The following SLC44A4 variants were observed in gnomAD, a reference collection of about 807,000 sequenced individuals.
SLC44A4 encodes solute carrier family 44 member 4.
In SLC44A4, 74 loss-of-function variants were observed where a neutral mutation model predicts 97.0. That is an observed-to-expected ratio of 0.76 (90% CI 0.63 to 0.93). The LOEUF is 0.93. Among genes scored for constraint, SLC44A4 ranks in the 40% least tolerant of loss-of-function variants. The pLI is 0.00. For missense variants in SLC44A4, 799 were observed against 902.9 expected (o/e 0.88, Z 1.48); for synonymous variants, 325 against 363.8 (o/e 0.89, Z 1.21).
At chr6:31,868,795 CAAAACAAA>C (rs1762991416) in intron 13 of SLC44A4, among the ~76,000 whole-genome samples, 1 of 87,500 alleles carries the variant, frequency 1.1e-5, no homozygotes, top group Non-Finnish European at 2.2e-5. Flanking sequence ...GACCCTGTCT[CAAAACAAA>C]CAAACAAACA....
In SLC44A4 at chr6:31,878,467, G is replaced by A. The variant is rs1052120564; in HGVS notation, c.40+474C>T. Among the ~76,000 whole-genome samples, 4 of 152,078 alleles carry A rather than the reference G, an allele frequency of 2.6e-5. No homozygotes were observed. Among genetic ancestry groups the A allele is most frequent in the African/African-American group, 9.7e-5 (4 of 41,398 alleles). On this transcript the variant is annotated intron_variant, in intron 1 of 20. Coordinates refer to ENST00000229729, the MANE Select transcript of SLC44A4 (RefSeq NM_025257.3). The surrounding 1 kb of genome is among the most constrained non-coding windows in gnomAD (Gnocchi z 4.0). ...CAAGGGAGCCGGCAGACCACAAGCAGCTTTCGCCCTCAGAGACCCAGACTC... is the reference window on the plus strand; with the variant it reads ...CAAGGGAGCCGGCAGACCACAAGCAACTTTCGCCCTCAGAGACCCAGACTC...
intron 11 of SLC44A4, 131 bp from the exon 12 acceptor site, chr6:31,869,768 G>A (rs1763055297): frequency 1.5e-5 from 10 of 662,218 alleles, no homozygotes; most frequent in South Asian, 5.3e-5. Context: ...GGCGGATCAC[G>A]AGGTCAGGAG....
Position 31,874,929 on chromosome 6 carries a change from C to A in SLC44A4, c.342G>T (p.Gln114His). ...GTAGAGGCAGGTCCCAGGCTCTGACCTGGGGTGTGGGGCACTGTAGGCCGT... is the reference window on the plus strand; with the variant it reads ...GTAGAGGCAGGTCCCAGGCTCTGACATGGGGTGTGGGGCACTGTAGGCCGT... ...AENGLQCPTP[Q>H]VCVSSCPEDP... The change falls in exon 5 of 21, where the codon CAG becomes CAT. Residue 114 changes from glutamine to histidine, a missense_variant and splice_region_variant. Gln to His is a conservative substitution (Grantham distance 24). Transcript: ENST00000229729. This position sits in a 1 kb window ranked among gnomAD's most constrained non-coding sequence, Gnocchi z 4.8. The A allele has an allele frequency of 6.2e-7, 1 of 1,613,878 alleles. No homozygotes were observed. Among genetic ancestry groups the A allele is most frequent in the South Asian group, 1.1e-5 (1 of 91,076 alleles).
chr6:31,864,640 G>A lies in SLC44A4; in HGVS notation c.2011+12C>T. On this transcript the variant is annotated intron_variant, in intron 20 of 20. Coordinates refer to ENST00000229729, the MANE Select transcript of SLC44A4 (RefSeq NM_025257.3). ...TTAAGGTTGGGGACAGGTGGCTGGG[G>A]GTGTCACTCACGGAAGCAGAGGAAG... The A allele has an allele frequency of 6.2e-7, 1 of 1,613,324 alleles. No homozygotes were observed. The highest frequency in any genetic ancestry group is 8.5e-7 in the Non-Finnish European group (1 of 1,179,288).
intron 11 of SLC44A4, 68 bp downstream of exon 11, chr6:31,870,535 C>T (rs1315588669): frequency 7.6e-7 from 1 of 1,323,500 alleles, no homozygotes; most frequent in East Asian, 2.5e-5. Flanking sequence ...CTAGCACCCC[C>T]TAGGTCCCCT....
intron 7 of SLC44A4, 82 bp from the exon 8 acceptor site, chr6:31,871,643 C>A: frequency 1.9e-6 from 2 of 1,060,236 alleles, no homozygotes; most frequent in South Asian, 2.6e-5. Context: ...GTCCACAGTG[C>A]CCTTAGGGGA....
At chr6:31,875,164 G>C in intron 4 of SLC44A4, 136 bp from the exon 5 acceptor site, 1 of 650,404 alleles carries the variant, frequency 1.5e-6, no homozygotes, top group Non-Finnish European at 2.7e-6. Flanking sequence ...CCAGCTCCTG[G>C]CCCTAGCTCA....
rs1416065599 is a variant in SLC44A4 at position 31,866,047 on chromosome 6, G to A, written c.1313C>T (p.Ser438Phe). 3.7e-6 allele frequency: 6 copies of A among 1,614,242 alleles called. No homozygotes were observed. The South Asian group carries it at 6.6e-5, about 18-fold the overall frequency. ...GYSSKGLIQR[S>F]VFNLQIYGVL... is the part of the protein sequence containing the mutation. ...CCCATAGATTTGCAGATTGAAGACA[G>A]AACGTTGGATTAGGCCTTTGGATGA... The change falls in exon 14 of 21, where the codon TCT becomes TTT. Residue 438 changes from serine to phenylalanine, a missense_variant. Transcript: ENST00000229729.
chr6:31,871,521 C>T lies in SLC44A4; in HGVS notation c.570G>A (p.Pro190=), dbSNP rs759105510. 43 of 1,613,698 alleles carry T rather than the reference C, an allele frequency of 2.7e-5. No individual in the cohort carries two copies. Among genetic ancestry groups the T allele is most frequent in the South Asian group, 4.4e-5 (4 of 91,070 alleles). Residue 190 remains proline (P), a synonymous_variant, in exon 8 of 21, where the codon CCG becomes CCA. Coordinates refer to ENST00000229729, the MANE Select transcript of SLC44A4 (RefSeq NM_025257.3). ...RCFPWTNVTP[P]ALPGITNDTT... ...TGTCATTGGTGATCCCTGGGAGCGC[C>T]GGTGGAGTAACGTTGGTCCATGGAA...
chr6:31,870,923 A>G lies in SLC44A4; in HGVS notation c.826T>C (p.Cys276Arg), dbSNP rs1183163157. The G allele has an allele frequency of 6.2e-7, 1 of 1,613,058 alleles. No homozygotes were observed. Among genetic ancestry groups the G allele is most frequent in the Non-Finnish European group, 8.5e-7 (1 of 1,180,008 alleles). Residue 276 changes from cysteine to arginine, a missense_variant, in exon 10 of 21, where the codon TGC becomes CGC. Cys to Arg is a radical substitution (Grantham distance 180). Around this residue, in one of 3 missense-constraint regions of SLC44A4, gnomAD observed 409 missense variants for 434.1 expected, o/e 0.94. Coordinates refer to ENST00000229729, the MANE Select transcript of SLC44A4 (RefSeq NM_025257.3). The stretch of plus-strand genomic sequence containing the variant: ...CGCAGCACTCGGTACTCCTCCCAGC[A>G]GTAGTAGATGCCGTATGCCAGCACG... ...LGVLAYGIYY[C>R]WEEYRVLRDK...
chr6:31,876,543 G>A lies in SLC44A4; in HGVS notation c.90-414C>T, dbSNP rs780253670. On this transcript the variant is annotated intron_variant, in intron 2 of 20. Transcript: ENST00000229729. The surrounding 1 kb of genome is among the most constrained non-coding windows in gnomAD (Gnocchi z 4.8). ...GCAGGGCAATCCCTTGAGGCCAGGA[G>A]TTTGAGACCAGCCTGGGCAACATAG... 1.7e-4 allele frequency among the ~76,000 whole-genome samples: 26 copies of A among 152,168 alleles called. No homozygotes were observed. Among genetic ancestry groups the A allele is most frequent in the Admixed American group, 2.6e-4 (4 of 15,266 alleles).
Position 31,865,864 on chromosome 6 carries a change from C to T in SLC44A4, c.1487+9G>A, listed in dbSNP as rs1344899238. Reference sequence around the variant, plus strand: ...GCCTACAATGACCAGGCCCCTGCCCCATCCTTACCGGAGTGTGCGGATGAA... The same window carrying T: ...GCCTACAATGACCAGGCCCCTGCCCTATCCTTACCGGAGTGTGCGGATGAA... On this transcript the variant is annotated intron_variant, in intron 14 of 20. Transcript: ENST00000229729. This position sits in a 1 kb window ranked among gnomAD's most constrained non-coding sequence, Gnocchi z 5.2. 1 of 1,614,118 alleles carries T rather than the reference C, an allele frequency of 6.2e-7. No homozygotes were observed. Among genetic ancestry groups the T allele is most frequent in the South Asian group, 1.1e-5 (1 of 91,090 alleles).
At chr6:31,863,809 G>A in intron 20 of SLC44A4, 61 bp from the exon 21 acceptor site, 1 of 1,603,952 alleles carries the variant, frequency 6.2e-7, no homozygotes, top group South Asian at 1.1e-5. Context: ...GGGACTGGGA[G>A]GCAAGCTGCC....
chr6:31,866,992 C>G (rs76116290), intron 13 of SLC44A4, among the ~76,000 whole-genome samples: 6,487 of 152,146 alleles, frequency 0.043, 164 homozygotes, highest in South Asian at 0.094. Flanking sequence ...ACTGTGCTAT[C>G]ATCTCTACTT....
chr6:31,874,354 C>G lies in SLC44A4; in HGVS notation c.529+106G>C. The G allele has an allele frequency of 7.6e-7, 1 of 1,309,538 alleles. No homozygotes were observed. The highest frequency in any genetic ancestry group is 1.1e-6 in the Non-Finnish European group (1 of 918,738). The allele number at this position is 1,309,538 out of a possible 1,614,324, so 81.1% of individuals were successfully genotyped here. ...GACCTGATGCTAATTCCAATTTTGC[C>G]ACCAACAAGCTATGTGACTTCACTC... On this transcript the variant is annotated intron_variant, in intron 7 of 20. Coordinates refer to ENST00000229729, the MANE Select transcript of SLC44A4 (RefSeq NM_025257.3). The surrounding 1 kb of genome is among the most constrained non-coding windows in gnomAD (Gnocchi z 4.8).
chr6:31,869,997 A>AG (rs1418004347), intron 11 of SLC44A4, among the ~76,000 whole-genome samples: 8 of 141,100 alleles, frequency 5.7e-5, no homozygotes, highest in Admixed American at 1.4e-4. Context: ...AAAAAAAAAA[A>AG]GGGGGGGGCT....
In SLC44A4 at chr6:31,878,878, C is replaced by A; in HGVS notation, c.40+63G>T. ...CTCTCCCTGGAGCCAGCCCCAGACACCATTCCCAAAGTACCCGTCCTCCCC... is the reference window on the plus strand; with the variant it reads ...CTCTCCCTGGAGCCAGCCCCAGACAACATTCCCAAAGTACCCGTCCTCCCC... On this transcript the variant is annotated intron_variant, in intron 1 of 20. Transcript: ENST00000229729. This position sits in a 1 kb window ranked among gnomAD's most constrained non-coding sequence, Gnocchi z 4.0. The A allele has an allele frequency of 6.4e-7, 1 of 1,563,962 alleles. No individual in the cohort carries two copies. The highest frequency in any genetic ancestry group is 8.8e-7 in the Non-Finnish European group (1 of 1,134,602).
Position 31,871,469 on chromosome 6 carries a change from C to A in SLC44A4, c.617+5G>T. On this transcript the variant is annotated splice_donor_5th_base_variant and intron_variant, in intron 8 of 20. Coordinates refer to ENST00000229729, the MANE Select transcript of SLC44A4 (RefSeq NM_025257.3). ...GGCCAGGATGTGGGGGAGGGAGGTG[C>A]CTACCTGATCCCCTGCTGTATGGTG... 6.2e-7 allele frequency: 1 copy of A among 1,613,816 alleles called. No individual in the cohort carries two copies. The highest frequency in any genetic ancestry group is 8.5e-7 in the Non-Finnish European group (1 of 1,179,802).
chr6:31,865,304 AGC>A lies in SLC44A4; in HGVS notation c.1760+9_1760+10del. 6.2e-7 allele frequency: 1 copy of A among 1,613,084 alleles called. No homozygotes were observed. Among genetic ancestry groups the A allele is most frequent in the Non-Finnish European group, 8.5e-7 (1 of 1,179,744 alleles). Reference sequence around the variant, plus strand: ...GGAGGGAGCCACAAAGCGGGGGGGGAGCAGCCTAACCTGACAATGTTTCGCAT... The same window carrying A: ...GGAGGGAGCCACAAAGCGGGGGGGGAAGCCTAACCTGACAATGTTTCGCAT... On this transcript the variant is annotated intron_variant, in intron 17 of 20. Transcript: ENST00000229729. This position sits in a 1 kb window ranked among gnomAD's most constrained non-coding sequence, Gnocchi z 5.2.
Sources: allele counts gnomAD v4.1 joint callset (sites outside exome capture counted in the v4.1 genomes callset), GRCh38; gene constraint gnomAD v4.1.1; regional missense constraint gnomAD v4.1.1; non-coding constraint Gnocchi (gnomAD v3.1); transcripts MANE v1.5; gene names NCBI Gene and HGNC (gene_info 2026-07-23, HGNC 2026-07-21).